Variants in C3orf20 observed in about 807,000 individuals in gnomAD.
C3orf20 encodes the protein uncharacterized protein C3orf20.
A neutral mutation model predicts 88.3 loss-of-function variants in C3orf20; 76 were observed. That is an observed-to-expected ratio of 0.86 (90% CI 0.72 to 1.04). The LOEUF (loss-of-function observed/expected upper bound fraction) is 1.04, where lower values mean the gene tolerates loss of function less well. Ranked by LOEUF, C3orf20 falls within the 50% of genes least tolerant of loss-of-function variation. C3orf20 has a pLI of 0.00. For missense variants in C3orf20, 1,056 were observed against 1,123.3 expected (o/e 0.94, Z 0.86); for synonymous variants, 436 against 437.4 (o/e 1.00, Z 0.04).
At chr3:14,717,522 G>A (rs1448752417) in intron 9 of C3orf20, among the ~76,000 whole-genome samples, 1 of 152,178 alleles carries the variant, frequency 6.6e-6, no homozygotes, top group Non-Finnish European at 1.5e-5. Context: ...AGTGCTTCTT[G>A]TAAAAGACAG....
intron 12 of C3orf20, among the ~76,000 whole-genome samples, chr3:14,750,285 C>T (rs9879267): frequency 0.28 from 42,277 of 152,052 alleles, 6,773 homozygotes; most frequent in African/African-American, 0.43. Context: ...TGCAGTGGCT[C>T]ATGCCTATAA....
At chr3:14,692,944 A>T (rs979914141) in intron 5 of C3orf20, among the ~76,000 whole-genome samples, 2 of 152,096 alleles carry the variant, frequency 1.3e-5, no homozygotes, top group African/African-American at 4.8e-5. Context: ...GCATATGGTT[A>T]TCCAGTTTTC....
chr3:14,716,712 C>A (rs1436395382), intron 9 of C3orf20, among the ~76,000 whole-genome samples: 1 of 152,202 alleles, frequency 6.6e-6, no homozygotes, highest in Admixed American at 6.5e-5. Context: ...TTTCTATCTT[C>A]CCACAGTGCA....
At chr3:14,761,240 A>G (rs904590560) in intron 14 of C3orf20, among the ~76,000 whole-genome samples, 4 of 145,652 alleles carry the variant, frequency 2.7e-5, no homozygotes, top group Non-Finnish European at 4.5e-5. Context: ...CCCCCAGATC[A>G]TAGGGCAACC....
rs572120065 is a variant in C3orf20, at chr3:14,720,888, G to A, written c.1435-765G>A. On this transcript the variant is annotated intron_variant, in intron 9 of 16. Transcript: ENST00000253697. ...AGCCGTTCAATGATTTCATGTGGAA[G>A]AAGTTGAGATTCAGCGAAGCTAACT... is the stretch of plus-strand genomic sequence containing the variant. Among the ~76,000 whole-genome samples, 3 of 152,344 alleles carry A rather than the reference G, an allele frequency of 2.0e-5. No individual in the cohort carries two copies. In the East Asian group the frequency reaches 5.8e-4, roughly 29 times the overall value.
At chr3:14,696,085 G>A (rs1400582643) in intron 5 of C3orf20, among the ~76,000 whole-genome samples, 1 of 148,212 alleles carries the variant, frequency 6.7e-6, no homozygotes, top group African/African-American at 2.5e-5. Flanking sequence ...TTTTACTGAA[G>A]GTGATTTTCT....
At chr3:14,767,749 G>A (rs2035754559) in intron 15 of C3orf20, among the ~76,000 whole-genome samples, 1 of 152,258 alleles carries the variant, frequency 6.6e-6, no homozygotes, top group Admixed American at 6.5e-5. Flanking sequence ...AAGCAGCAAT[G>A]TGCCCTGTAA....
At chr3:14,723,529 A>G (rs942931967) in intron 10 of C3orf20, among the ~76,000 whole-genome samples, 1 of 152,252 alleles carries the variant, frequency 6.6e-6, no homozygotes, top group Non-Finnish European at 1.5e-5. Flanking sequence ...AGGCAAAAGC[A>G]TGGGCACCAA....
chr3:14,709,912 T>C (rs2033672896), intron 7 of C3orf20, among the ~76,000 whole-genome samples: 1 of 152,232 alleles, frequency 6.6e-6, no homozygotes, highest in Non-Finnish European at 1.5e-5. Flanking sequence ...TCTGCTCTTC[T>C]ATTTTTTTGG....
intron 1 of C3orf20, among the ~76,000 whole-genome samples, chr3:14,677,412 C>T (rs776026850): frequency 4.6e-5 from 7 of 152,162 alleles, no homozygotes; most frequent in Admixed American, 1.3e-4. Flanking sequence ...CCTGCTTTTG[C>T]ACCATCATGT....
chr3:14,709,103 A>G (rs1287752282), intron 7 of C3orf20, among the ~76,000 whole-genome samples: 2 of 152,102 alleles, frequency 1.3e-5, no homozygotes, highest in Non-Finnish European at 2.9e-5. Flanking sequence ...GAGGTACAGA[A>G]CTTGTACACT....
At position 14,728,602 on chromosome 3, in the gene C3orf20, G is replaced by A. The variant is rs1203822246; in HGVS notation, c.1854G>A (p.Glu618=). Residue 618 remains glutamate, a synonymous_variant, in exon 12 of 17, where the codon GAG becomes GAA. Transcript: ENST00000253697. ...GCCACCTGGAATCCTCAATTGCAGAGACTTTGAAGGATGAGCCTGAGTCTG... is the reference window on the plus strand; with the variant it reads ...GCCACCTGGAATCCTCAATTGCAGAAACTTTGAAGGATGAGCCTGAGTCTG... ...QSGHLESSIA[E]TLKDEPESAP... 6.2e-7 allele frequency: 1 copy of A among 1,614,086 alleles called. No homozygotes were observed. The highest frequency in any genetic ancestry group is 1.3e-5 in the African/African-American group (1 of 74,928).
chr3:14,715,276 G>C lies in C3orf20; in HGVS notation c.1314-13G>C. 6.2e-7 allele frequency: 1 copy of C among 1,610,256 alleles called. No homozygotes were observed. The highest frequency in any genetic ancestry group is 8.5e-7 in the Non-Finnish European group (1 of 1,178,612). ...GGCCCGGTGGCAGCTACTCACTTCT[G>C]TATCTCTCCTAGTTGCCCATATGTC... On this transcript the variant is annotated splice_polypyrimidine_tract_variant and intron_variant, in intron 8 of 16. Transcript: ENST00000253697.
At chr3:14,704,147 C>A (rs140361140) in intron 6 of C3orf20, among the ~76,000 whole-genome samples, 190 bp from the exon 7 acceptor site, 1 of 152,108 alleles carries the variant, frequency 6.6e-6, no homozygotes, top group Admixed American at 6.5e-5. Context: ...TATTCTTAGA[C>A]GGGCATTGGG....
chr3:14,688,246 C>T (rs1019273440), intron 4 of C3orf20, among the ~76,000 whole-genome samples: 1 of 151,976 alleles, frequency 6.6e-6, no homozygotes, highest in African/African-American at 2.4e-5. Context: ...AAGTTGGGAC[C>T]AGGCCGAGTG....
intron 4 of C3orf20, among the ~76,000 whole-genome samples, chr3:14,687,889 C>T (rs2032511851): frequency 6.6e-6 from 1 of 152,162 alleles, no homozygotes; most frequent in South Asian, 2.1e-4. Flanking sequence ...CTGCATCTTG[C>T]TGTCCTGCTG....
intron 12 of C3orf20, among the ~76,000 whole-genome samples, chr3:14,747,065 A>G (rs1209237899): frequency 6.6e-6 from 1 of 152,196 alleles, no homozygotes; most frequent in East Asian, 1.9e-4. Context: ...AAGAGTGGCA[A>G]CTCTAAAAGG....
intron 7 of C3orf20, among the ~76,000 whole-genome samples, chr3:14,709,019 G>A (rs2033634856): frequency 1.3e-5 from 2 of 152,116 alleles, no homozygotes; most frequent in Non-Finnish European, 2.9e-5. Flanking sequence ...GAACAAAAAA[G>A]CAATGAACAA....
chr3:14,710,458 CT>C (rs1439382989), intron 7 of C3orf20, among the ~76,000 whole-genome samples: 2 of 152,044 alleles, frequency 1.3e-5, no homozygotes, highest in African/African-American at 4.8e-5. Flanking sequence ...TGAGATCTTT[CT>C]TTTCATTTAA....
Sources: allele counts gnomAD v4.1 joint callset (sites outside exome capture counted in the v4.1 genomes callset), GRCh38; gene constraint gnomAD v4.1.1; transcripts MANE v1.5; gene names NCBI Gene and HGNC (gene_info 2026-07-23, HGNC 2026-07-21).